Variants in SETD5 observed in about 807,000 individuals in gnomAD.
SETD5 encodes histone-lysine N-methyltransferase SETD5.
Under a neutral mutation model 153.3 loss-of-function variants are expected in SETD5, and 44 were observed. The ratio of observed to expected loss-of-function variants is 0.29; its 90% confidence interval spans 0.23 to 0.37. The LOEUF (loss-of-function observed/expected upper bound fraction) is 0.37. Ranked by LOEUF, SETD5 falls within the 10% of genes least tolerant of loss-of-function variation. SETD5 has a pLI of 1.00. For missense variants in SETD5, 1,544 were observed against 1,768.0 expected (o/e 0.87, Z 2.27); for synonymous variants, 716 against 645.2 (o/e 1.11, Z -1.66).
At chr3:9,422,558 C>G (rs1031184381) in intron 1 of SETD5, among the ~76,000 whole-genome samples, 2 of 151,988 alleles carry the variant, frequency 1.3e-5, no homozygotes, top group Non-Finnish European at 2.9e-5. Flanking sequence ...TATTGATGTG[C>G]TTGGATAATT....
At chr3:9,411,372 A>T (rs2036544979) in intron 1 of SETD5, among the ~76,000 whole-genome samples, 1 of 152,224 alleles carries the variant, frequency 6.6e-6, no homozygotes. Context: ...TAAAATATTA[A>T]AACTTTAAAA....
chr3:9,420,397 AT>A (rs1043758551), intron 1 of SETD5, among the ~76,000 whole-genome samples: 5 of 151,888 alleles, frequency 3.3e-5, no homozygotes, highest in African/African-American at 1.2e-4. Context: ...ATAGACTAGG[AT>A]TTTTTTTCAG....
At position 9,448,532 on chromosome 3, in the gene SETD5, A is replaced by G; in HGVS notation, c.2248A>G (p.Thr750Ala). 1 of 1,613,860 alleles carries G rather than the reference A, an allele frequency of 6.2e-7. No homozygotes were observed. Among genetic ancestry groups the G allele is most frequent in the Non-Finnish European group, 8.5e-7 (1 of 1,179,858 alleles). Residue 750 changes from threonine to alanine, a missense_variant, in exon 16 of 23, where the codon ACC becomes GCC. Coordinates refer to ENST00000402198, the MANE Select transcript of SETD5 (RefSeq NM_001080517.3). Reference sequence around the variant, plus strand: ...TCTTATCCATTCCCCGTTAATTTGCACCACCCCCAAACACTACATTCGCTT... The same window carrying G: ...TCTTATCCATTCCCCGTTAATTTGCGCCACCCCCAAACACTACATTCGCTT... ...PGLIHSPLIC[T>A]TPKHYIRFGS...
intron 17 of SETD5, among the ~76,000 whole-genome samples, chr3:9,462,239 C>G (rs1239633406): frequency 6.6e-6 from 1 of 152,184 alleles, no homozygotes; most frequent in African/African-American, 2.4e-5. Flanking sequence ...GAATAAATGT[C>G]ACTCCTTCCA....
intron 18 of SETD5, among the ~76,000 whole-genome samples, chr3:9,465,558 G>A (rs954103256): frequency 2.0e-5 from 3 of 152,164 alleles, no homozygotes; most frequent in Non-Finnish European, 2.9e-5. Flanking sequence ...TTTTGAGAAA[G>A]GTGAACATTT....
Position 9,447,234 on chromosome 3 carries a change from C to T in SETD5, c.1709C>T (p.Ser570Phe). Reference sequence around the variant, plus strand: ...GCCCCTGAATCTGAAGTTAGCAACTCTGTTTCAAATGTTACCATCCCAAGC... The same window carrying T: ...GCCCCTGAATCTGAAGTTAGCAACTTTGTTTCAAATGTTACCATCCCAAGC... ...TEAPESEVSN[S>F]VSNVTIPSTP... Residue 570 changes from serine (S) to phenylalanine (F), a missense_variant, in exon 14 of 23, where the codon TCT (serine) becomes TTT (phenylalanine). By Grantham distance (155) the Ser-to-Phe change is radical (BLOSUM62 -2). Transcript: ENST00000402198. The T allele has an allele frequency of 6.2e-7, 1 of 1,614,050 alleles. No individual in the cohort carries two copies. The highest frequency in any genetic ancestry group is 8.5e-7 in the Non-Finnish European group (1 of 1,179,896).
chr3:9,464,028 T>C (rs1353376287), intron 17 of SETD5, among the ~76,000 whole-genome samples: 1 of 152,158 alleles, frequency 6.6e-6, no homozygotes, highest in Non-Finnish European at 1.5e-5. Flanking sequence ...CTCGGGAGGC[T>C]GAGGCAGGTG....
chr3:9,400,143 A>G (rs2034523099), intron 1 of SETD5, among the ~76,000 whole-genome samples: 1 of 152,210 alleles, frequency 6.6e-6, no homozygotes, highest in Non-Finnish European at 1.5e-5. Context: ...GGAGATGGGA[A>G]TTAGTAATTC....
At chr3:9,465,163 A>G (rs1187166994) in intron 18 of SETD5, among the ~76,000 whole-genome samples, 1 of 152,186 alleles carries the variant, frequency 6.6e-6, no homozygotes, top group African/African-American at 2.4e-5. Context: ...ACATTGGGGT[A>G]TGGCTTATGG....
At chr3:9,398,609 G>C (rs767603540) in intron 1 of SETD5, 1 of 152,262 alleles carries the variant, frequency 6.6e-6, no homozygotes, top group Non-Finnish European at 1.5e-5. Flanking sequence ...TGTAGGGTTC[G>C]AGCCTGGAGT....
intron 11 of SETD5, among the ~76,000 whole-genome samples, 196 bp from the exon 12 acceptor site, chr3:9,444,852 G>A (rs1377454014): frequency 1.3e-5 from 2 of 152,164 alleles, no homozygotes. Context: ...CTCCAGCCTA[G>A]ATGACAGAGC....
chr3:9,448,052 G>T, intron 15 of SETD5, 46 bp downstream of exon 15: 6 of 1,553,956 alleles, frequency 3.9e-6, no homozygotes, highest in Non-Finnish European at 5.2e-6. Context: ...GGCAAGGGCT[G>T]TCTTAGTGAA....
intron 16 of SETD5, among the ~76,000 whole-genome samples, chr3:9,451,727 C>T (rs6786197): frequency 0.081 from 12,327 of 152,168 alleles, 814 homozygotes; most frequent in African/African-American, 0.16. Flanking sequence ...ATTACAGATA[C>T]GAGCTACTGA....
At chr3:9,465,460 C>T (rs1348151227) in intron 18 of SETD5, among the ~76,000 whole-genome samples, 3 of 152,224 alleles carry the variant, frequency 2.0e-5, no homozygotes, top group Non-Finnish European at 4.4e-5. Context: ...TGGACACTGT[C>T]TCTTTTTTCC....
intron 4 of SETD5, 33 bp downstream of exon 4, chr3:9,433,983 G>A (rs758295225): frequency 2.5e-6 from 4 of 1,611,586 alleles, no homozygotes; most frequent in Non-Finnish European, 2.5e-6. Flanking sequence ...CCAGAACAGT[G>A]ATCTTCCTGG....
At chr3:9,464,374 CTTAAA>C in intron 17 of SETD5, 46 bp from the exon 18 acceptor site, 1 of 1,578,158 alleles carries the variant, frequency 6.3e-7, no homozygotes, top group East Asian at 2.3e-5. Flanking sequence ...ACTGTAGAGC[CTTAAA>C]TTAATCTGTG....
At chr3:9,401,585 T>C (rs1477018704) in intron 1 of SETD5, among the ~76,000 whole-genome samples, 2 of 152,218 alleles carry the variant, frequency 1.3e-5, no homozygotes, top group Non-Finnish European at 2.9e-5. Flanking sequence ...AATAATAAAG[T>C]GCAAAGTACA....
intron 10 of SETD5, 107 bp from the exon 11 acceptor site, chr3:9,443,201 A>C: frequency 2.5e-6 from 2 of 807,474 alleles, no homozygotes; most frequent in South Asian, 1.5e-5. Flanking sequence ...CCTTAAATAA[A>C]TAATAGATTA....
At position 9,475,420 on chromosome 3, in the gene SETD5, T is replaced by C. The variant is rs1575630686; in HGVS notation, c.3721-63T>C. ...AAAAAAGAATGTAGGGTATTATAAA[T>C]GTTCACCAGCCATTTAAGGGACTTG... On this transcript the variant is annotated intron_variant, in intron 22 of 22. Transcript: ENST00000402198. 3 of 1,546,050 alleles carry C rather than the reference T, an allele frequency of 1.9e-6. No individual in the cohort carries two copies. In the East Asian group the frequency reaches 6.8e-5, roughly 35 times the overall value.
Sources: gnomAD v4.1 joint callset for allele counts (sites outside exome capture counted in the v4.1 genomes callset) on GRCh38, gnomAD v4.1.1 for gene constraint, MANE v1.5 for transcripts, NCBI Gene and HGNC (gene_info 2026-07-23, HGNC 2026-07-21) for gene names.